Variants in SLC2A7 observed in about 807,000 individuals in gnomAD.
SLC2A7 encodes solute carrier family 2 member 7.
Under a neutral mutation model 50.5 loss-of-function variants are expected in SLC2A7, and 50 were observed. The ratio of observed to expected loss-of-function variants is 0.99; its 90% CI spans 0.79 to 1.25. The LOEUF (loss-of-function observed/expected upper bound fraction) is 1.25. Among genes scored for constraint, SLC2A7 ranks in the 50% most tolerant of loss-of-function variants. SLC2A7 has a pLI of 0.00. For synonymous variants in SLC2A7, 308 were observed against 300.4 expected (o/e 1.03, Z -0.26); for missense variants, 683 against 679.1 (o/e 1.01, Z -0.06).
In SLC2A7 at chr1:9,008,391, G is replaced by C. The variant is rs146086923; in HGVS notation, c.1117-1006C>G. ...AGCAAAAGCGAGGCTGGCTGGGTTG[G>C]TGGGGCCGCCCTGGACCCGGTGTGA... is the stretch of plus-strand genomic sequence containing the variant. On this transcript the variant is annotated intron_variant, in intron 9 of 11. Coordinates refer to ENST00000400906, the MANE Select transcript of SLC2A7 (RefSeq NM_207420.3). This position sits in a 1 kb window ranked among gnomAD's most constrained non-coding sequence, Gnocchi z 5.9. Among the ~76,000 whole-genome samples, 20 of 152,266 alleles carry C rather than the reference G, an allele frequency of 1.3e-4. No homozygotes were observed. The highest frequency in any genetic ancestry group is 4.3e-4 in the African/African-American group (18 of 41,538).
At chr1:9,017,078 A>G (rs1343307869) in intron 5 of SLC2A7, among the ~76,000 whole-genome samples, 1 of 152,188 alleles carries the variant, frequency 6.6e-6, no homozygotes, top group Admixed American at 6.5e-5. Flanking sequence ...ATTCTAGGTA[A>G]AAACTGGCCA....
intron 3 of SLC2A7, among the ~76,000 whole-genome samples, chr1:9,021,791 T>A (rs1309843965): frequency 6.6e-6 from 1 of 152,180 alleles, no homozygotes; most frequent in Non-Finnish European, 1.5e-5. Context: ...AAGGGGAGGC[T>A]GGGGCTGTCA....
downstream of SLC2A7, among the ~76,000 whole-genome samples, chr1:9,000,603 A>G (rs1280606442): frequency 6.6e-6 from 1 of 152,146 alleles, no homozygotes; most frequent in Non-Finnish European, 1.5e-5. Context: ...TGGGCAACAG[A>G]GCAAGACTCT....
intron 5 of SLC2A7, 45 bp downstream of exon 5, chr1:9,018,178 G>T (rs781030940): frequency 6.2e-7 from 1 of 1,610,320 alleles, no homozygotes. Flanking sequence ...TGGCACAGCC[G>T]AACGAGAGAC....
chr1:9,012,639 C>G (rs1640764264), intron 8 of SLC2A7, among the ~76,000 whole-genome samples: 1 of 152,082 alleles, frequency 6.6e-6, no homozygotes, highest in South Asian at 2.1e-4. Context: ...ACTGGCAACT[C>G]AAGAAATAGG....
rs565448250 is a variant in SLC2A7 at position 9,020,899 on chromosome 1, A to C, written c.312-1566T>G. On this transcript the variant is annotated intron_variant, in intron 3 of 11. Transcript: ENST00000400906. ...CAGGTCTGATGGTTTTATAAGGAAG[A>C]GTATTTCTGCACAAGCTCTCTCTTT... 2.0e-5 allele frequency among the ~76,000 whole-genome samples: 3 copies of C among 152,130 alleles called. 1 individual carries two copies. Among genetic ancestry groups the C allele is most frequent in the African/African-American group, 7.2e-5 (3 of 41,504 alleles).
chr1:9,002,395 C>T (rs1385030036), downstream of SLC2A7, among the ~76,000 whole-genome samples: 1 of 152,178 alleles, frequency 6.6e-6, no homozygotes, highest in Non-Finnish European at 1.5e-5. Context: ...GAGAAAACTG[C>T]CTTATGACTG....
intron 8 of SLC2A7, among the ~76,000 whole-genome samples, chr1:9,010,522 TAA>T (rs1192812118): frequency 6.6e-6 from 1 of 152,180 alleles, no homozygotes; most frequent in Non-Finnish European, 1.5e-5. Context: ...CATGCCCGGC[TAA>T]GTTTTGTATT....
chr1:9,015,671 G>A (rs1640819090), intron 5 of SLC2A7, among the ~76,000 whole-genome samples: 1 of 152,022 alleles, frequency 6.6e-6, no homozygotes, highest in Non-Finnish European at 1.5e-5. Context: ...TAAGAGAACA[G>A]GGTCTCCGTC....
At position 9,013,568 on chromosome 1, in the gene SLC2A7, G is replaced by A. The variant is rs745759012; in HGVS notation, c.971C>T (p.Thr324Met). Reference sequence around the variant, plus strand: ...TATGTTGACGACGCCAGAGCCCACCGTTACATATTGGGAGTGAGCGGCCTC... The same window carrying A: ...TATGTTGACGACGCCAGAGCCCACCATTACATATTGGGAGTGAGCGGCCTC... ...GVEAAHSQYV[T>M]VGSGVVNIVM... is the part of the protein sequence containing the mutation. Residue 324 changes from threonine to methionine, a missense_variant, in exon 8 of 12, where the codon ACG becomes ATG. Coordinates refer to ENST00000400906, the MANE Select transcript of SLC2A7 (RefSeq NM_207420.3). 88 of 1,613,940 alleles carry A rather than the reference G, an allele frequency of 5.5e-5. No individual in the cohort carries two copies. Among genetic ancestry groups the A allele is most frequent in the Middle Eastern group, 1.7e-4 (1 of 6,024 alleles).
chr1:9,000,007 T>A (rs1640553081), downstream of SLC2A7, among the ~76,000 whole-genome samples: 1 of 152,198 alleles, frequency 6.6e-6, no homozygotes, highest in African/African-American at 2.4e-5. Context: ...ACCCGATTTA[T>A]GTGAGGCAAA....
intron 9 of SLC2A7, among the ~76,000 whole-genome samples, chr1:9,009,440 A>G (rs1472909130): frequency 2.0e-5 from 3 of 152,102 alleles, no homozygotes; most frequent in Non-Finnish European, 4.4e-5. Context: ...GTCTTACTGA[A>G]AAATGATTCG....
At chr1:9,007,819 G>A (rs1464250384) in intron 9 of SLC2A7, among the ~76,000 whole-genome samples, 1 of 151,012 alleles carries the variant, frequency 6.6e-6, no homozygotes, top group Non-Finnish European at 1.5e-5. Flanking sequence ...GCTCACTGCA[G>A]CCTCCGCCTC....
intron 10 of SLC2A7, among the ~76,000 whole-genome samples, chr1:9,007,000 A>G (rs1474371361): frequency 6.6e-6 from 1 of 152,206 alleles, no homozygotes; most frequent in Non-Finnish European, 1.5e-5. Flanking sequence ...AAGGTGCCCC[A>G]GGGGTGTCTG....
chr1:9,020,759 T>C (rs1338678058), intron 3 of SLC2A7, among the ~76,000 whole-genome samples: 2 of 151,368 alleles, frequency 1.3e-5, no homozygotes, highest in Non-Finnish European at 2.9e-5. Flanking sequence ...GAAACCTCCG[T>C]GATATGGTTT....
downstream of SLC2A7, among the ~76,000 whole-genome samples, chr1:9,002,404 T>C (rs1474560135): frequency 1.3e-5 from 2 of 152,194 alleles, no homozygotes; most frequent in Non-Finnish European, 1.5e-5. Flanking sequence ...GCCTTATGAC[T>C]GGAGGTGAGA....
At chr1:9,010,357 GTCTT>G (rs552163843) in intron 8 of SLC2A7, 113 bp from the exon 9 acceptor site, 151 of 803,378 alleles carry the variant, frequency 1.9e-4, no homozygotes, top group African/African-American at 1.9e-3. Context: ...TCTTTCTTTT[GTCTT>G]TCTTTCTTTT....
chr1:8,999,913 G>T (rs1410868403), downstream of SLC2A7, among the ~76,000 whole-genome samples: 6 of 152,252 alleles, frequency 3.9e-5, no homozygotes, highest in Admixed American at 3.3e-4. Context: ...TGCAGGGGAC[G>T]CAGCTGTCAG....
chr1:9,023,071 T>C lies in SLC2A7; in HGVS notation c.158A>G (p.Lys53Arg), dbSNP rs1640938557. The change falls in exon 3 of 12, where the codon AAG (lysine) becomes AGG (arginine). Residue 53 changes from lysine to arginine, a missense_variant. Coordinates refer to ENST00000400906, the MANE Select transcript of SLC2A7 (RefSeq NM_207420.3). ...AAAGTAGGTTTCGTTGTAAAATGAC[T>C]TGAAGACCTGGAAAACATTGCCCCA... is the stretch of plus-strand genomic sequence containing the variant. ...SVVNTPHKVF[K>R]SFYNETYFER... is the part of the protein sequence containing the mutation. 4 of 1,613,496 alleles carry C rather than the reference T, an allele frequency of 2.5e-6. No homozygotes were observed. The East Asian group carries it at 8.9e-5, about 36-fold the overall frequency.
Sources: gnomAD v4.1 joint callset for allele counts (sites outside exome capture counted in the v4.1 genomes callset) on GRCh38, gnomAD v4.1.1 for gene constraint, Gnocchi (gnomAD v3.1) non-coding constraint, MANE v1.5 for transcripts, NCBI Gene and HGNC (gene_info 2026-07-23, HGNC 2026-07-21) for gene names.